The following CTNNB1 variants were observed in gnomAD, a reference collection of about 807,000 sequenced individuals.
CTNNB1 encodes catenin beta 1.
In CTNNB1, 6 loss-of-function variants were observed where a neutral mutation model predicts 82.5. That is an observed-to-expected ratio of 0.07 (90% confidence interval 0.04 to 0.14). The LOEUF is 0.14. Among genes scored for constraint, CTNNB1 ranks in the 10% least tolerant of loss-of-function variants. The probability of loss-of-function intolerance (pLI) is 1.00; values close to 1 mark genes in which losing one functional copy is unlikely to be tolerated. For missense variants in CTNNB1, 529 were observed against 980.4 expected (o/e 0.54, Z 6.15); for synonymous variants, 312 against 329.7 (o/e 0.95, Z 0.58).
intron 1 of CTNNB1, among the ~76,000 whole-genome samples, chr3:41,218,245 T>C (rs2077958530): frequency 6.6e-6 from 1 of 152,182 alleles, no homozygotes; most frequent in African/African-American, 2.4e-5. Context: ...ATTTATGAAA[T>C]TGCCACATTA....
At position 41,225,635 on chromosome 3, in the gene CTNNB1, G is replaced by C. The variant is rs2125623892; in HGVS notation, c.735-25G>C. On this transcript the variant is annotated intron_variant, in intron 5 of 14. Coordinates refer to ENST00000349496, the MANE Select transcript of CTNNB1 (RefSeq NM_001904.4). This position sits in a 1 kb window ranked among gnomAD's most constrained non-coding sequence, Gnocchi z 5.3. The stretch of plus-strand genomic sequence containing the variant: ...AGAAGAGTATACTCACAATATTTCT[G>C]ATGAGGCTTTTTTCTTCTTCCCAGT... 1.2e-6 allele frequency: 2 copies of C among 1,613,976 alleles called. No homozygotes were observed. The highest frequency in any genetic ancestry group is 2.2e-5 in the East Asian group (1 of 44,884).
chr3:41,219,617 A>G lies in CTNNB1; in HGVS notation c.-48-4404A>G, dbSNP rs182156649. On this transcript the variant is annotated intron_variant, in intron 1 of 14. Coordinates refer to ENST00000349496, the MANE Select transcript of CTNNB1 (RefSeq NM_001904.4). ...TGGTATGTATGTTAGATGTGTGGAC[A>G]TATCTATTAAAAGTTGTGTCAGATA... Among the ~76,000 whole-genome samples, 101 of 152,352 alleles carry G rather than the reference A, an allele frequency of 6.6e-4. 1 individual carries two copies. The highest frequency in any genetic ancestry group is 2.4e-3 in the African/African-American group (99 of 41,584).
chr3:41,221,421 A>G (rs2078047139), intron 1 of CTNNB1: 1 of 151,288 alleles, frequency 6.6e-6, no homozygotes, highest in African/African-American at 2.4e-5. Flanking sequence ...ATCATAGCTC[A>G]CTATAACCTT....
chr3:41,219,099 T>A (rs974938953), intron 1 of CTNNB1, among the ~76,000 whole-genome samples: 1 of 152,244 alleles, frequency 6.6e-6, no homozygotes, highest in East Asian at 1.9e-4. Context: ...CTATTCAGGA[T>A]GTATCTTAAA....
rs1330693841 is a variant in CTNNB1 at position 41,227,237 on chromosome 3, A to G, written c.966A>G (p.Gln322=). ...KLIILASGGP[Q]ALVNIMRTYT... ...TCATACTGGCTAGTGGTGGACCCCA[A>G]GCTTTAGTAAATATAATGAGGACCT... is the stretch of plus-strand genomic sequence containing the variant. Residue 322 remains glutamine, a synonymous_variant, in exon 7 of 15, where the codon CAA becomes CAG. Coordinates refer to ENST00000349496, the MANE Select transcript of CTNNB1 (RefSeq NM_001904.4). 3.1e-6 allele frequency: 5 copies of G among 1,612,414 alleles called. No homozygotes were observed. The highest frequency in any genetic ancestry group is 8.5e-7 in the Non-Finnish European group (1 of 1,178,612).
chr3:41,239,385 A>C lies in CTNNB1; in HGVS notation c.*43A>C. The stretch of plus-strand genomic sequence containing the variant: ...AAGTTTTAAAAAGCCAGTTTGGGTA[A>C]AATACTTTTACTCTGCCTACAGAAC... On this transcript the variant is annotated 3_prime_UTR_variant, in exon 15 of 15. Coordinates refer to ENST00000349496, the MANE Select transcript of CTNNB1 (RefSeq NM_001904.4). 6.4e-7 allele frequency: 1 copy of C among 1,551,110 alleles called. No homozygotes were observed. Among genetic ancestry groups the C allele is most frequent in the Non-Finnish European group, 8.8e-7 (1 of 1,132,888 alleles).
At chr3:41,239,071 G>C (rs2125652622) in intron 14 of CTNNB1, 63 bp from the exon 15 acceptor site, 2 of 1,379,582 alleles carry the variant, frequency 1.4e-6, no homozygotes, top group Non-Finnish European at 2.1e-6. Context: ...GTCTATGTCT[G>C]CTTCTCTCCT....
chr3:41,201,270 T>C (rs1228240640), intron 1 of CTNNB1, among the ~76,000 whole-genome samples: 1 of 152,236 alleles, frequency 6.6e-6, no homozygotes, highest in Non-Finnish European at 1.5e-5. Context: ...CATAAATTTC[T>C]ACTTTGGAGG....
intron 10 of CTNNB1, chr3:41,235,166 A>C (rs1250322816): frequency 6.4e-6 from 1 of 155,504 alleles, no homozygotes; most frequent in Admixed American, 6.3e-5. Context: ...TTTAAAACTC[A>C]AATCCAGAAA....
intron 13 of CTNNB1, chr3:41,237,697 C>CTTTTTTT (rs548643863): frequency 7.2e-6 from 1 of 139,402 alleles, no homozygotes; most frequent in Non-Finnish European, 1.4e-5. Flanking sequence ...GGCATTTTGC[C>CTTTTTTT]TTTTTTTTTT....
rs1471041092 is a variant in CTNNB1, at chr3:41,224,435, A to G, written c.14-91A>G. 6 of 1,279,422 alleles carry G rather than the reference A, an allele frequency of 4.7e-6. No individual in the cohort carries two copies. In the African/African-American group the frequency reaches 8.9e-5, roughly 19 times the overall value. 79.3% of individuals were successfully genotyped at this position (1,279,422 alleles called of 1,614,324 possible). A position where few individuals can be genotyped will look rare whatever the true frequency, so the allele number is the denominator to read the frequency against. The stretch of plus-strand genomic sequence containing the variant: ...TTCAGATTTGACTTTATTTCTAAAA[A>G]TATTTCAATGGGTCATATCACAGAT... On this transcript the variant is annotated intron_variant, in intron 2 of 14. Transcript: ENST00000349496.
chr3:41,216,239 A>G (rs1316709591), intron 1 of CTNNB1, among the ~76,000 whole-genome samples: 1 of 152,218 alleles, frequency 6.6e-6, no homozygotes, highest in African/African-American at 2.4e-5. Flanking sequence ...CTAGGAATTT[A>G]ATTATGCTAC....
intron 13 of CTNNB1, 59 bp downstream of exon 13, chr3:41,236,768 G>A (rs968488879): frequency 1.9e-6 from 3 of 1,609,156 alleles, no homozygotes; most frequent in Admixed American, 1.7e-5. Flanking sequence ...ATGGCAGCTT[G>A]TTCTTTCCTC....
intron 1 of CTNNB1, among the ~76,000 whole-genome samples, chr3:41,215,315 G>A (rs1390845325): frequency 2.0e-5 from 3 of 146,560 alleles, no homozygotes; most frequent in African/African-American, 7.6e-5. Context: ...CCCAGGAGGC[G>A]GAGGATGCAG....
rs2078430906 is a variant in CTNNB1, at chr3:41,236,191, G to C, written c.1804-158G>C. On this transcript the variant is annotated intron_variant, in intron 11 of 14. Transcript: ENST00000349496. ...AATATTATGGAAATCCAGTGCTCCA[G>C]AGCATTAAACACCCCAAGACATAAA... is the stretch of plus-strand genomic sequence containing the variant. 11 of 922,864 alleles carry C rather than the reference G, an allele frequency of 1.2e-5. No individual in the cohort carries two copies. The Admixed American group carries it at 1.9e-4, about 16-fold the overall frequency. The allele number at this position is 922,864 out of a possible 1,614,324, so 57.2% of individuals were successfully genotyped here.
intron 1 of CTNNB1, chr3:41,199,928 G>T (rs2077483856): frequency 6.7e-6 from 1 of 149,760 alleles, no homozygotes; most frequent in Admixed American, 6.6e-5. Flanking sequence ...GGGCGCCGCG[G>T]GGGCGCGTAC....
chr3:41,236,583 C>T lies in CTNNB1; in HGVS notation c.1955-5C>T. The T allele has an allele frequency of 6.2e-7, 1 of 1,614,208 alleles. No homozygotes were observed. Among genetic ancestry groups the T allele is most frequent in the Non-Finnish European group, 8.5e-7 (1 of 1,180,048 alleles). On this transcript the variant is annotated splice_region_variant and splice_polypyrimidine_tract_variant and intron_variant, in intron 12 of 14. Coordinates refer to ENST00000349496, the MANE Select transcript of CTNNB1 (RefSeq NM_001904.4). The stretch of plus-strand genomic sequence containing the variant: ...CTCAAGGGCCTTTTTCTCCTTGTCT[C>T]TTAGCGACATATGCAGCTGCTGTTT...
At position 41,240,294 on chromosome 3, in the gene CTNNB1, A is replaced by T. The variant is rs1221247870; in HGVS notation, c.*952A>T. Reference sequence around the variant, plus strand: ...TATTTGGGATATGTATGGGTAGGGTAAATCAGTAAGAGGTGTTATTTGGAA... The same window carrying T: ...TATTTGGGATATGTATGGGTAGGGTTAATCAGTAAGAGGTGTTATTTGGAA... On this transcript the variant is annotated 3_prime_UTR_variant, in exon 15 of 15. Coordinates refer to ENST00000349496, the MANE Select transcript of CTNNB1 (RefSeq NM_001904.4). The T allele has an allele frequency of 1.0e-5, 2 of 192,784 alleles. No individual in the cohort carries two copies. The highest frequency in any genetic ancestry group is 4.6e-5 in the African/African-American group (2 of 43,122). The allele number at this position is 192,784 out of a possible 1,614,324, so 11.9% of individuals were successfully genotyped here.
At chr3:41,236,877 T>C in intron 13 of CTNNB1, 168 bp downstream of exon 13, 1 of 789,550 alleles carries the variant, frequency 1.3e-6, no homozygotes. Context: ...AGAACTATAA[T>C]ACAAGCTTTA....
Sources: allele counts gnomAD v4.1 joint callset (sites outside exome capture counted in the v4.1 genomes callset), GRCh38; gene constraint gnomAD v4.1.1; non-coding constraint Gnocchi (gnomAD v3.1); transcripts MANE v1.5; gene names NCBI Gene and HGNC (gene_info 2026-07-23, HGNC 2026-07-21).